Variants in ZZEF1 observed in about 807,000 individuals in gnomAD.
ZZEF1 encodes the protein zinc finger ZZ-type and EF-hand domain-containing protein 1.
ZZEF1 carries 157 observed loss-of-function variants against 342.8 expected under a neutral mutation model. The ratio of observed to expected loss-of-function variants is 0.46; its 90% CI spans 0.40 to 0.52. ZZEF1 has a LOEUF of 0.52. ZZEF1 is among the 20% of genes least tolerant of loss of function. The pLI is 0.00. For synonymous variants in ZZEF1, 1,505 were observed against 1,429.1 expected (o/e 1.05, Z -1.20); for missense variants, 3,480 against 3,725.6 (o/e 0.93, Z 1.72).
At position 4,072,618 on chromosome 17, in the gene ZZEF1, T is replaced by C. The variant is rs764613464; in HGVS notation, c.3824A>G (p.Asn1275Ser). 12 of 1,611,818 alleles carry C rather than the reference T, an allele frequency of 7.4e-6. No individual in the cohort carries two copies. Among genetic ancestry groups the C allele is most frequent in the Non-Finnish European group, 9.3e-6 (11 of 1,179,080 alleles). ...EASWPTHPHRNSKEVKNIPDD... is the reference protein window; with the variant it reads ...EASWPTHPHRSSKEVKNIPDD... ...CGGAAGAGTAAATACCTCCTTACTA[T>C]TCCGGTGTGGGTGAGTGGGCCAGCT... is the stretch of plus-strand genomic sequence containing the variant. Residue 1275 changes from asparagine to serine, a missense_variant, in exon 25 of 55, where the codon AAT (asparagine) becomes AGT (serine). Asn to Ser is a conservative substitution (Grantham distance 46). Coordinates refer to ENST00000381638, the MANE Select transcript of ZZEF1 (RefSeq NM_015113.4).
chr17:4,048,118 G>T (rs546966354), intron 37 of ZZEF1, among the ~76,000 whole-genome samples: 1 of 152,128 alleles, frequency 6.6e-6, no homozygotes, highest in Non-Finnish European at 1.5e-5. Context: ...ATATTCCCAG[G>T]CTCAAAGGTG....
chr17:4,056,137 G>A (rs113561461), intron 33 of ZZEF1, 79 bp downstream of exon 33: 2 of 1,396,904 alleles, frequency 1.4e-6, no homozygotes, highest in African/African-American at 1.5e-5. Flanking sequence ...GTAAGAGCCT[G>A]CCAGAACCCC....
chr17:4,121,082 G>T (rs1024823205), intron 2 of ZZEF1, among the ~76,000 whole-genome samples: 3 of 152,180 alleles, frequency 2.0e-5, no homozygotes, highest in Non-Finnish European at 4.4e-5. Context: ...GAAGTCCTAA[G>T]TCATGAGCCT....
At chr17:4,109,590 C>G in intron 6 of ZZEF1, 63 bp downstream of exon 6, 1 of 1,566,300 alleles carries the variant, frequency 6.4e-7, no homozygotes, top group South Asian at 1.1e-5. Flanking sequence ...GTGATACGCC[C>G]TAAAGGATGA....
At chr17:4,058,392 T>C (rs752482136) in intron 31 of ZZEF1, among the ~76,000 whole-genome samples, 3 of 152,222 alleles carry the variant, frequency 2.0e-5, no homozygotes, top group Non-Finnish European at 4.4e-5. Context: ...CACAGGGGTA[T>C]CTTATGGTAA....
chr17:4,021,248 C>T lies in ZZEF1; in HGVS notation c.7285G>A (p.Asp2429Asn), dbSNP rs1308809439. Residue 2429 changes from aspartate (D) to asparagine (N), a missense_variant, in exon 45 of 55, where the codon GAT becomes AAT. Physicochemically the swap from Asp to Asn is conservative, Grantham distance 23 (BLOSUM62 1). This residue lies in a region of ZZEF1 where 1,269 missense variants were observed against 1,342.4 expected (regional missense o/e 0.95). Transcript: ENST00000381638. ...ALAEHGDLELDERGDREEEVE... is the reference protein window; with the variant it reads ...ALAEHGDLELNERGDREEEVE... ...TCTTCCTCTCGGTCCCCTCGCTCAT[C>T]CAGCTCTAGGTCTCCGTGCTCAGCC... 1 of 1,614,234 alleles carries T rather than the reference C, an allele frequency of 6.2e-7. No homozygotes were observed. Among genetic ancestry groups the T allele is most frequent in the South Asian group, 1.1e-5 (1 of 91,080 alleles).
chr17:4,070,710 T>A lies in ZZEF1; in HGVS notation c.4049A>T (p.Asp1350Val), dbSNP rs1428747136. The part of the protein sequence containing the change: ...TFAALVYRTP[D>V]LYEKLQKYVN... ...ATATTTTTGCAGCTTCTCATATAAATCTGGAGTGCGATACACCAGAGCAGC... is the reference window on the plus strand; with the variant it reads ...ATATTTTTGCAGCTTCTCATATAAAACTGGAGTGCGATACACCAGAGCAGC... Residue 1350 changes from aspartate to valine, a missense_variant, in exon 26 of 55, where the codon GAT becomes GTT. This residue lies in a region of ZZEF1 where 1,528 missense variants were observed against 1,624.1 expected (regional missense o/e 0.94). Coordinates refer to ENST00000381638, the MANE Select transcript of ZZEF1 (RefSeq NM_015113.4). 6 of 1,613,886 alleles carry A rather than the reference T, an allele frequency of 3.7e-6. No homozygotes were observed. Among genetic ancestry groups the A allele is most frequent in the Non-Finnish European group, 4.2e-6 (5 of 1,179,980 alleles).
chr17:4,103,596 G>A (rs2058162542), intron 8 of ZZEF1, among the ~76,000 whole-genome samples: 1 of 151,920 alleles, frequency 6.6e-6, no homozygotes, highest in Non-Finnish European at 1.5e-5. Flanking sequence ...AAGCCATTAA[G>A]TCAGTCACAC....
Position 4,008,362 on chromosome 17 carries a change from C to A in ZZEF1, c.8805+521G>T. On this transcript the variant is annotated intron_variant, in intron 54 of 54. Transcript: ENST00000381638. The surrounding 1 kb of genome is among the most constrained non-coding windows in gnomAD (Gnocchi z 4.2). ...TTCATGTTAACATGAAATGGGTTCA[C>A]TACTTTAAAAAAATAAATTGATAAA... The A allele has an allele frequency of 9.0e-6, 2 of 221,186 alleles. No individual in the cohort carries two copies. Among genetic ancestry groups the A allele is most frequent in the Non-Finnish European group, 1.5e-5 (2 of 131,778 alleles). The allele number at this position is 221,186 out of a possible 1,614,324, so 13.7% of individuals were successfully genotyped here.
At chr17:4,019,890 A>G (rs1357601708) in intron 45 of ZZEF1, 121 bp from the exon 46 acceptor site, 1 of 658,860 alleles carries the variant, frequency 1.5e-6, no homozygotes, top group Non-Finnish European at 2.5e-6. Flanking sequence ...ATAATTGAGG[A>G]ACATTATATG....
rs562497924 is a variant in ZZEF1, at chr17:4,016,670, C to T, written c.8002-204G>A. On this transcript the variant is annotated intron_variant, in intron 48 of 54. Coordinates refer to ENST00000381638, the MANE Select transcript of ZZEF1 (RefSeq NM_015113.4). This position sits in a 1 kb window ranked among gnomAD's most constrained non-coding sequence, Gnocchi z 4.4. Reference sequence around the variant, plus strand: ...TTGGTGTCAATCAGGACACTGCAGTCCTTTCAGAATGATGCTACTTAGAGG... The same window carrying T: ...TTGGTGTCAATCAGGACACTGCAGTTCTTTCAGAATGATGCTACTTAGAGG... 19 of 556,710 alleles carry T rather than the reference C, an allele frequency of 3.4e-5. No homozygotes were observed. The South Asian group carries it at 4.9e-4, about 14-fold the overall frequency. 34.5% of individuals were successfully genotyped at this position (556,710 alleles called of 1,614,324 possible).
rs749202547 is a variant in ZZEF1 at position 4,087,421 on chromosome 17, A to G, written c.2342+13T>C. ...TTTATGTGCTTATCACCTTATAACA[A>G]ATTCTGACCTACTTTTGCTTTAATT... On this transcript the variant is annotated intron_variant, in intron 14 of 54. Coordinates refer to ENST00000381638, the MANE Select transcript of ZZEF1 (RefSeq NM_015113.4). The G allele has an allele frequency of 6.3e-7, 1 of 1,599,760 alleles. No individual in the cohort carries two copies. The highest frequency in any genetic ancestry group is 8.5e-7 in the Non-Finnish European group (1 of 1,172,426).
chr17:4,022,527 A>G (rs2056296255), intron 44 of ZZEF1, 182 bp downstream of exon 44: 2 of 708,400 alleles, frequency 2.8e-6, no homozygotes, highest in Non-Finnish European at 2.3e-6. Flanking sequence ...TTTCCCTGAC[A>G]GGGGTAGACA....
chr17:4,106,629 T>A lies in ZZEF1; in HGVS notation c.1278-820A>T, dbSNP rs189580176. ...GTTTCTTGGCCTTTCCACCTTAATG[T>A]CTGTTTTAGTGTTTCCCTTTTCTTG... On this transcript the variant is annotated intron_variant, in intron 6 of 54. Coordinates refer to ENST00000381638, the MANE Select transcript of ZZEF1 (RefSeq NM_015113.4). 2.7e-4 allele frequency among the ~76,000 whole-genome samples: 41 copies of A among 152,288 alleles called. No individual in the cohort carries two copies. The South Asian group carries it at 3.9e-3, about 15-fold the overall frequency.
intron 29 of ZZEF1, among the ~76,000 whole-genome samples, chr17:4,063,702 C>T (rs984038948): frequency 6.7e-4 from 100 of 150,206 alleles, no homozygotes; most frequent in African/African-American, 2.4e-3. Context: ...GCTGGGACTA[C>T]GGGCAGGTGC....
intron 39 of ZZEF1, among the ~76,000 whole-genome samples, chr17:4,039,277 G>C (rs1178508173): frequency 6.7e-6 from 1 of 150,258 alleles, no homozygotes; most frequent in Non-Finnish European, 1.5e-5. Context: ...AGACCAGCCT[G>C]TCCAACACAG....
Position 4,021,158 on chromosome 17 carries a change from G to C in ZZEF1, c.7375C>G (p.Leu2459Val), listed in dbSNP as rs776048955. ...EQKKLDPLEGLDEPTRICFLM... is the reference protein window; with the variant it reads ...EQKKLDPLEGVDEPTRICFLM... ...AAACATATTCTGGTGGGCTCATCCA[G>C]GCCCTCAAGGGGGTCCAGCTTTTTC... The change falls in exon 45 of 55, where the codon CTG becomes GTG. Residue 2459 changes from leucine (L) to valine (V), a missense_variant. Physicochemically the swap from Leu to Val is conservative, Grantham distance 32. Coordinates refer to ENST00000381638, the MANE Select transcript of ZZEF1 (RefSeq NM_015113.4). The C allele has an allele frequency of 1.9e-6, 3 of 1,613,370 alleles. No homozygotes were observed. Among genetic ancestry groups the C allele is most frequent in the Non-Finnish European group, 2.5e-6 (3 of 1,179,740 alleles).
chr17:4,083,092 C>T (rs1276196371), intron 16 of ZZEF1, among the ~76,000 whole-genome samples: 1 of 152,084 alleles, frequency 6.6e-6, no homozygotes, highest in Admixed American at 6.6e-5. Context: ...ATACTTTTTG[C>T]CATTGGACAA....
Position 4,082,425 on chromosome 17 carries a change from C to G in ZZEF1, c.2714+12G>C, listed in dbSNP as rs369165922. 5.0e-6 allele frequency: 8 copies of G among 1,613,494 alleles called. No homozygotes were observed. Among genetic ancestry groups the G allele is most frequent in the Non-Finnish European group, 6.8e-6 (8 of 1,179,546 alleles). ...TGAGTTATCCGACAATTAAAAAGAACGATCAGCTTACCTAAAATACGTGCA... is the reference window on the plus strand; with the variant it reads ...TGAGTTATCCGACAATTAAAAAGAAGGATCAGCTTACCTAAAATACGTGCA... On this transcript the variant is annotated intron_variant, in intron 17 of 54. Coordinates refer to ENST00000381638, the MANE Select transcript of ZZEF1 (RefSeq NM_015113.4).
Sources: gnomAD v4.1 joint callset for allele counts (sites outside exome capture counted in the v4.1 genomes callset) on GRCh38, gnomAD v4.1.1 for gene constraint, gnomAD v4.1.1 regional missense constraint, Gnocchi (gnomAD v3.1) non-coding constraint, MANE v1.5 for transcripts, NCBI Gene and HGNC (gene_info 2026-07-23, HGNC 2026-07-21) for gene names.